The following EIF4E variants were observed in gnomAD, a reference collection of about 807,000 sequenced individuals.
EIF4E encodes the protein eukaryotic translation initiation factor 4E.
For missense variants in EIF4E, 113 were observed against 265.6 expected, an observed-to-expected ratio of 0.43 and a Z score of 3.99; for synonymous variants, 71 against 88.5, an observed-to-expected ratio of 0.80 and a Z score of 1.11.
intron 3 of EIF4E, among the ~76,000 whole-genome samples, chr4:98,890,364 C>T (rs1724096334): frequency 6.6e-6 from 1 of 152,118 alleles, no homozygotes; most frequent in African/African-American, 2.4e-5. Flanking sequence ...ATTTAAAGTG[C>T]TTATTAAAGA....
At chr4:98,927,286 A>G (rs1478023772) in intron 1 of EIF4E, among the ~76,000 whole-genome samples, 1 of 152,234 alleles carries the variant, frequency 6.6e-6, no homozygotes, top group African/African-American at 2.4e-5. Context: ...TTGACAAGGT[A>G]AGGATAGTTT....
intron 1 of EIF4E, among the ~76,000 whole-genome samples, chr4:98,921,999 T>G (rs1725661480): frequency 6.6e-6 from 1 of 152,244 alleles, no homozygotes; most frequent in Non-Finnish European, 1.5e-5. Context: ...TCTAACATTG[T>G]AATATAACAG....
intron 2 of EIF4E, among the ~76,000 whole-genome samples, chr4:98,899,176 T>C (rs926656944): frequency 5.9e-5 from 9 of 151,992 alleles, no homozygotes; most frequent in African/African-American, 2.2e-4. Context: ...AGCACTCTAA[T>C]ATAAAATGCT....
rs201272862 is a variant in EIF4E at position 98,881,158 on chromosome 4, AAAG to A, written c.540-19_540-17del. ...GTATACCCTCCTAGAAGAAAAAAAA[AAAG>A]AAGAAGAAAAAAGTAGTCATTAACT... On this transcript the variant is annotated splice_polypyrimidine_tract_variant and intron_variant, in intron 6 of 6. Coordinates refer to ENST00000450253, the MANE Select transcript of EIF4E (RefSeq NM_001968.5). The A allele has an allele frequency of 0.012, 19,951 of 1,608,072 alleles. 1,395 individuals carry two copies. The African/African-American group carries it at 0.22, about 18-fold the overall frequency.
intron 2 of EIF4E, among the ~76,000 whole-genome samples, chr4:98,898,010 T>C (rs1161394015): frequency 2.6e-5 from 4 of 152,132 alleles, no homozygotes; most frequent in Non-Finnish European, 4.4e-5. Context: ...CAATGGATTT[T>C]AATGTAACAA....
intron 2 of EIF4E, among the ~76,000 whole-genome samples, chr4:98,893,484 C>T (rs1329805744): frequency 6.6e-6 from 1 of 152,210 alleles, no homozygotes; most frequent in Admixed American, 6.5e-5. Flanking sequence ...ATGTAATATT[C>T]AAATCCTTTG....
intron 1 of EIF4E, among the ~76,000 whole-genome samples, chr4:98,912,972 C>T (rs1396718204): frequency 1.3e-5 from 2 of 151,774 alleles, no homozygotes; most frequent in Non-Finnish European, 1.5e-5. Context: ...TTTGGGAGGC[C>T]GAGGCAGGCG....
At chr4:98,914,059 G>A (rs1725263882) in intron 1 of EIF4E, among the ~76,000 whole-genome samples, 1 of 149,152 alleles carries the variant, frequency 6.7e-6, no homozygotes, top group African/African-American at 2.5e-5. Context: ...ATAAAAATGA[G>A]CACTTAAAAA....
In EIF4E at chr4:98,922,841, TTC is replaced by T. The variant is rs1725704712; in HGVS notation, c.18+6252_18+6253del. On this transcript the variant is annotated intron_variant, in intron 1 of 6. Coordinates refer to ENST00000450253, the MANE Select transcript of EIF4E (RefSeq NM_001968.5). ...TGACTAAACTTCATTTTCCTGTTTT[TTC>T]TTTTTTCTTTTTTTTTTTTTTTGAG... 2.8e-5 allele frequency among the ~76,000 whole-genome samples: 4 copies of T among 143,404 alleles called. No homozygotes were observed. The South Asian group carries it at 8.8e-4, about 31-fold the overall frequency. 94.1% of individuals were successfully genotyped at this position (143,404 alleles called of 152,430 possible).
chr4:98,881,288 C>T (rs1723682722), intron 6 of EIF4E, 146 bp from the exon 7 acceptor site: 1 of 1,402,782 alleles, frequency 7.1e-7, no homozygotes, highest in Non-Finnish European at 9.4e-7. Context: ...ACACCCTTTT[C>T]CTTTCAGCAC....
intron 2 of EIF4E, among the ~76,000 whole-genome samples, chr4:98,892,223 G>A (rs1319621833): frequency 6.6e-6 from 1 of 150,588 alleles, no homozygotes; most frequent in East Asian, 1.9e-4. Flanking sequence ...GTGCATGCCT[G>A]TATTCCCAGC....
chr4:98,904,846 ATG>A (rs1724800929), intron 1 of EIF4E, among the ~76,000 whole-genome samples: 1 of 152,156 alleles, frequency 6.6e-6, no homozygotes, highest in African/African-American at 2.4e-5. Flanking sequence ...ATTTTTAAAT[ATG>A]TGTGTATGTA....
chr4:98,901,948 T>C lies in EIF4E; in HGVS notation c.53A>G (p.Glu18Gly), dbSNP rs1440053682. The change falls in exon 2 of 7, where the codon GAA (glutamate) becomes GGA (glycine). Residue 18 changes from glutamate (E) to glycine (G), a missense_variant. Transcript: ENST00000450253. ...TTPTPNPPTT[E>G]EEKTESNQEV... ...CTGATTAGATTCCGTTTTCTCCTCT[T>C]CTGTAGTCGGGGGATTAGGAGTAGG... 1 of 1,613,506 alleles carries C rather than the reference T, an allele frequency of 6.2e-7. No homozygotes were observed. The highest frequency in any genetic ancestry group is 1.7e-5 in the Admixed American group (1 of 60,006).
intron 1 of EIF4E, among the ~76,000 whole-genome samples, chr4:98,915,377 A>G (rs1725332813): frequency 6.6e-6 from 1 of 152,142 alleles, no homozygotes; most frequent in Non-Finnish European, 1.5e-5. Context: ...AGTTGTTGAG[A>G]TTACAGATTA....
intron 2 of EIF4E, among the ~76,000 whole-genome samples, chr4:98,898,375 G>T (rs775290188): frequency 6.6e-6 from 1 of 152,058 alleles, no homozygotes; most frequent in Non-Finnish European, 1.5e-5. Context: ...TTGCGAGGCC[G>T]AGGTGGGTGG....
At chr4:98,890,500 T>C (rs1302388090) in intron 3 of EIF4E, among the ~76,000 whole-genome samples, 3 of 152,200 alleles carry the variant, frequency 2.0e-5, no homozygotes, top group African/African-American at 7.2e-5. Context: ...CTTTACAATT[T>C]TTATTTATTT....
Position 98,887,130 on chromosome 4 carries a change from T to C in EIF4E, c.348A>G (p.Thr116=), listed in dbSNP as rs201329989. 6.2e-7 allele frequency: 1 copy of C among 1,614,024 alleles called. No individual in the cohort carries two copies. The highest frequency in any genetic ancestry group is 1.3e-5 in the African/African-American group (1 of 75,064). ...KNKRGGRWLI[T]LNKQQRRSDL... Reference sequence around the variant, plus strand: ...CACTTCGTCTCTGCTGTTTGTTCAATGTAATTAGCCATCGTCCTCCCCGTT... The same window carrying C: ...CACTTCGTCTCTGCTGTTTGTTCAACGTAATTAGCCATCGTCCTCCCCGTT... The change falls in exon 5 of 7, where the codon ACA becomes ACG. Residue 116 remains threonine, a synonymous_variant. Transcript: ENST00000450253. The surrounding 1 kb of genome is among the most constrained non-coding windows in gnomAD (Gnocchi z 4.0).
At chr4:98,921,070 C>A (rs1366447443) in intron 1 of EIF4E, among the ~76,000 whole-genome samples, 1 of 152,120 alleles carries the variant, frequency 6.6e-6, no homozygotes, top group Non-Finnish European at 1.5e-5. Flanking sequence ...TATTCAAGTG[C>A]TATTCCTTTT....
At chr4:98,895,645 G>A (rs908399125) in intron 2 of EIF4E, 1 of 152,158 alleles carries the variant, frequency 6.6e-6, no homozygotes, top group African/African-American at 2.4e-5. Flanking sequence ...TAAAAAAGAA[G>A]AAGAAAAGGC....
Sources: gnomAD v4.1 joint callset for allele counts (sites outside exome capture counted in the v4.1 genomes callset) on GRCh38, gnomAD v4.1.1 for gene constraint, Gnocchi (gnomAD v3.1) non-coding constraint, MANE v1.5 for transcripts, NCBI Gene and HGNC (gene_info 2026-07-23, HGNC 2026-07-21) for gene names.